RBFOX1: variants seen among roughly 807,000 people sequenced by gnomAD.
The protein encoded by RBFOX1 is RNA binding fox-1 homolog 1, also known as RNA binding protein fox-1 homolog 1.
A neutral mutation model predicts 57.7 loss-of-function variants in RBFOX1; 8 were observed. The observed-to-expected ratio is 0.14, with a 90% confidence interval of 0.08 to 0.25. The LOEUF (loss-of-function observed/expected upper bound fraction) is 0.25, where lower values mean the gene tolerates loss of function less well. Ranked by LOEUF, RBFOX1 falls within the 10% of genes least tolerant of loss-of-function variation. RBFOX1 has a pLI of 1.00. For synonymous variants in RBFOX1, 326 were observed against 222.4 expected, an observed-to-expected ratio of 1.47 and a Z score of -4.15; for missense variants, 611 against 548.5, an observed-to-expected ratio of 1.11 and a Z score of -1.14.
In RBFOX1 at chr16:5,573,631, C is replaced by G. The variant is rs142734923; in HGVS notation, c.259-25271C>G. 5.7e-3 allele frequency among the ~76,000 whole-genome samples: 871 copies of G among 152,216 alleles called. 13 individuals carry two copies. The highest frequency in any genetic ancestry group is 0.02 in the African/African-American group (832 of 41,532). On this transcript the variant is annotated intron_variant, in intron 2 of 2. Transcript: ENST00000585867. ...CCAGTCCTGGACCCAGTGTGCATCC[C>G]CCCTTTCCCCGTCCAGGCATCCCAA... is the stretch of plus-strand genomic sequence containing the variant.
intron 2 of RBFOX1, among the ~76,000 whole-genome samples, chr16:5,477,539 G>T (rs925725033): frequency 3.9e-5 from 6 of 152,178 alleles, no homozygotes; most frequent in African/African-American, 1.2e-4. Context: ...TGCACGGGCT[G>T]TTTCTCTTAA....
chr16:5,795,870 C>G (rs539511868), intron 3 of RBFOX1, among the ~76,000 whole-genome samples: 1 of 152,172 alleles, frequency 6.6e-6, no homozygotes, highest in Non-Finnish European at 1.5e-5. Context: ...GCCTCACAGT[C>G]TCTGTTGCAT....
intron 1 of RBFOX1, among the ~76,000 whole-genome samples, chr16:6,031,313 G>T (rs2095285804): frequency 6.6e-6 from 1 of 152,164 alleles, no homozygotes; most frequent in African/African-American, 2.4e-5. Context: ...TGGCCAGCGT[G>T]CCTGGGGTGG....
At chr16:7,175,542 C>G (rs944759118) in intron 4 of RBFOX1, among the ~76,000 whole-genome samples, 1 of 152,074 alleles carries the variant, frequency 6.6e-6, no homozygotes, top group Non-Finnish European at 1.5e-5. Context: ...TGTGAACATG[C>G]CACAGGTAGG....
intron 1 of RBFOX1, among the ~76,000 whole-genome samples, chr16:5,315,850 G>C (rs1596493919): frequency 6.6e-6 from 1 of 152,074 alleles, no homozygotes. Context: ...ACATTGTCTA[G>C]AGCCTGTAGA....
At chr16:7,570,888 A>G (rs1337336854) in intron 5 of RBFOX1, among the ~76,000 whole-genome samples, 2 of 152,232 alleles carry the variant, frequency 1.3e-5, no homozygotes, top group Non-Finnish European at 2.9e-5. Flanking sequence ...TACACCGTGA[A>G]ATACTATGTA....
At chr16:6,666,704 C>T (rs929316823) in intron 3 of RBFOX1, among the ~76,000 whole-genome samples, 5 of 152,266 alleles carry the variant, frequency 3.3e-5, no homozygotes, top group African/African-American at 1.2e-4. Flanking sequence ...CCCTTCTGTG[C>T]TCCTCATGCT....
At position 6,647,928 on chromosome 16, in the gene RBFOX1, G is replaced by A. The variant is rs952341337; in HGVS notation, c.-63-6675G>A. On this transcript the variant is annotated intron_variant, in intron 2 of 15. Coordinates refer to ENST00000550418, the MANE Select transcript of RBFOX1 (RefSeq NM_018723.4). ...GCAATCTCGGCTTACTGCAACATCA[G>A]TCTACAGGGTTTAAGTGATTCTCGT... Among the ~76,000 whole-genome samples the A allele has an allele frequency of 6.6e-5, 10 of 152,230 alleles. 1 individual carries two copies. Among genetic ancestry groups the A allele is most frequent in the Non-Finnish European group, 1.3e-4 (9 of 68,010 alleles).
At chr16:6,549,827 C>T (rs1004057421) in intron 2 of RBFOX1, among the ~76,000 whole-genome samples, 2 of 151,884 alleles carry the variant, frequency 1.3e-5, no homozygotes, top group Non-Finnish European at 2.9e-5. Context: ...GATTTTAGGT[C>T]GATCCTAAAA....
At chr16:5,270,433 T>C in intron 1 of RBFOX1, 2 of 965,046 alleles carry the variant, frequency 2.1e-6, no homozygotes, top group Non-Finnish European at 3.3e-6. Flanking sequence ...TCAAGCTGAT[T>C]ACTGAAGATG....
At chr16:6,431,426 C>T (rs955896173) in intron 2 of RBFOX1, among the ~76,000 whole-genome samples, 9 of 151,976 alleles carry the variant, frequency 5.9e-5, no homozygotes, top group South Asian at 4.2e-4. Context: ...CATGCAGTGA[C>T]GGTCCAGCCC....
chr16:7,070,261 C>G (rs1198373207), intron 4 of RBFOX1, among the ~76,000 whole-genome samples: 2 of 152,148 alleles, frequency 1.3e-5, no homozygotes, highest in Non-Finnish European at 2.9e-5. Flanking sequence ...TGCCACATTC[C>G]ACTCATTTAT....
At chr16:7,077,748 A>G (rs1368263394) in intron 4 of RBFOX1, among the ~76,000 whole-genome samples, 1 of 152,208 alleles carries the variant, frequency 6.6e-6, no homozygotes, top group East Asian at 1.9e-4. Context: ...TAGTCGTATT[A>G]AACTTGTCCT....
chr16:7,694,349 A>C (rs929119321), intron 14 of RBFOX1, among the ~76,000 whole-genome samples: 1 of 152,218 alleles, frequency 6.6e-6, no homozygotes, highest in African/African-American at 2.4e-5. Flanking sequence ...TTATGTGCCA[A>C]TGTTTCACTC....
intron 2 of RBFOX1, among the ~76,000 whole-genome samples, chr16:5,524,548 T>TTA (rs1259452231): frequency 6.6e-6 from 1 of 151,492 alleles, no homozygotes; most frequent in Non-Finnish European, 1.5e-5. Flanking sequence ...TAGTTGCTTT[T>TTA]TTTTTTTTTT....
At chr16:6,888,570 A>T (rs2064685337) in intron 3 of RBFOX1, among the ~76,000 whole-genome samples, 1 of 151,806 alleles carries the variant, frequency 6.6e-6, no homozygotes, top group African/African-American at 2.4e-5. Context: ...CCTCTGGGTA[A>T]AATATTGTGT....
Position 5,445,814 on chromosome 16 carries a change from T to C in RBFOX1, c.220-21402T>C, listed in dbSNP as rs566349554. 2.6e-5 allele frequency among the ~76,000 whole-genome samples: 4 copies of C among 152,374 alleles called. No individual in the cohort carries two copies. In the East Asian group the frequency reaches 5.8e-4, roughly 22 times the overall value. On this transcript the variant is annotated intron_variant, in intron 1 of 2. Transcript: ENST00000585867. ...GAGGAACATGCTGACCCATACTATA[T>C]GCTAAATCGCTTTTAAACAAGCGAA...
At chr16:7,580,170 A>G (rs983043032) in intron 6 of RBFOX1, among the ~76,000 whole-genome samples, 1 of 152,156 alleles carries the variant, frequency 6.6e-6, no homozygotes, top group Non-Finnish European at 1.5e-5. Context: ...TTGTAGGCCA[A>G]ATGGAACACA....
intron 3 of RBFOX1, among the ~76,000 whole-genome samples, chr16:5,680,574 A>G (rs2050302688): frequency 6.6e-6 from 1 of 152,146 alleles, no homozygotes; most frequent in Non-Finnish European, 1.5e-5. Flanking sequence ...CAGTAGACAG[A>G]CCTGTTGGAG....
Sources: allele counts gnomAD v4.1 joint callset (sites outside exome capture counted in the v4.1 genomes callset), GRCh38; gene constraint gnomAD v4.1.1; transcripts MANE v1.5; gene names NCBI Gene and HGNC (gene_info 2026-07-23, HGNC 2026-07-21).